SAMD5: variants seen among roughly 807,000 people sequenced by gnomAD.
SAMD5 encodes the protein sterile alpha motif domain containing 5.
In SAMD5, 13 loss-of-function variants were observed where a neutral mutation model predicts 11.3. The ratio of observed to expected loss-of-function variants is 1.15; its 90% CI spans 0.75 to 1.83. The LOEUF is 1.83. Ranked by LOEUF, SAMD5 falls within the 40% of genes most tolerant of loss-of-function variation. The probability of loss-of-function intolerance (pLI) is 0.00; values close to 1 mark genes in which losing one functional copy is unlikely to be tolerated. For synonymous variants in SAMD5, 129 were observed against 111.3 expected (o/e 1.16, Z -1.00); for missense variants, 255 against 239.1 (o/e 1.07, Z -0.44).
chr6:147,871,266 A>G, the SAMD5 span, among the ~76,000 whole-genome samples: 1 of 152,190 alleles, frequency 6.6e-6, no homozygotes, highest in African/African-American at 2.4e-5. Flanking sequence ...TACACAAATA[A>G]ACTAATATTT....
At chr6:147,823,651 C>CA in the SAMD5 span, among the ~76,000 whole-genome samples, 732 of 151,360 alleles carry the variant, frequency 4.8e-3, 14 homozygotes, top group South Asian at 0.039. Context: ...TAAAAAGTAC[C>CA]AAAAAAAAGA....
At chr6:147,868,925 A>G in the SAMD5 span, among the ~76,000 whole-genome samples, 1 of 152,208 alleles carries the variant, frequency 6.6e-6, no homozygotes, top group Non-Finnish European at 1.5e-5. Flanking sequence ...TAAGTACTCT[A>G]GAAGTATTTG....
At chr6:147,781,159 G>GT in the SAMD5 span, among the ~76,000 whole-genome samples, 680 of 137,668 alleles carry the variant, frequency 4.9e-3, 4 homozygotes, top group African/African-American at 9.1e-3. Flanking sequence ...TTTTGGATTT[G>GT]TTTTTTTTTT....
intron 1 of SAMD5, among the ~76,000 whole-genome samples, chr6:147,561,469 C>T (rs1174818249): frequency 3.3e-5 from 5 of 152,134 alleles, no homozygotes; most frequent in African/African-American, 1.2e-4. Context: ...GGATTACAGG[C>T]GTGAGCCACT....
chr6:147,881,070 T>C, the SAMD5 span, among the ~76,000 whole-genome samples: 2 of 152,128 alleles, frequency 1.3e-5, no homozygotes, highest in Non-Finnish European at 2.9e-5. Context: ...CCATAACAAA[T>C]AGGAAGACAA....
intron 1 of SAMD5, among the ~76,000 whole-genome samples, chr6:147,696,158 C>G (rs1156370410): frequency 1.3e-5 from 2 of 151,968 alleles, no homozygotes; most frequent in Admixed American, 6.6e-5. Flanking sequence ...TTGTCTCAAC[C>G]CCCTCCCCCA....
chr6:147,909,618 T>TTCTCTCTCTCTCTCTCTC, the SAMD5 span, among the ~76,000 whole-genome samples: 17 of 76,430 alleles, frequency 2.2e-4, no homozygotes, highest in East Asian at 2.0e-3. Context: ...CTTTCTTTCT[T>TTCTCTCTCTCTCTCTCTC]TCTTTCTTTC....
chr6:147,615,731 G>A (rs6925595), intron 1 of SAMD5, among the ~76,000 whole-genome samples: 14,005 of 152,064 alleles, frequency 0.092, 2,148 homozygotes, highest in African/African-American at 0.32. Context: ...AATGTGGGTC[G>A]GTATAAACAT....
At chr6:147,714,400 A>G (rs1791439239) in intron 1 of SAMD5, among the ~76,000 whole-genome samples, 1 of 152,158 alleles carries the variant, frequency 6.6e-6, no homozygotes, top group Admixed American at 6.5e-5. Context: ...GGGCTGGAGA[A>G]GCACGTCCTG....
intron 1 of SAMD5, among the ~76,000 whole-genome samples, chr6:147,665,170 T>C (rs947767289): frequency 3.1e-4 from 47 of 152,250 alleles, no homozygotes; most frequent in Non-Finnish European, 5.7e-4. Flanking sequence ...CAACTGATTC[T>C]ACAAACATAG....
chr6:147,917,839 G>C, the SAMD5 span, among the ~76,000 whole-genome samples: 15 of 152,206 alleles, frequency 9.9e-5, no homozygotes, highest in South Asian at 6.2e-4. Flanking sequence ...TCTTGTTTTT[G>C]TCGGGTTTGT....
chr6:147,677,106 T>A (rs535591956), intron 1 of SAMD5, among the ~76,000 whole-genome samples: 1 of 152,222 alleles, frequency 6.6e-6, no homozygotes, highest in East Asian at 1.9e-4. Flanking sequence ...AGCCTGCTGA[T>A]GTTTAGGAGT....
rs953536438 is a variant in SAMD5, at chr6:147,567,294, C to T, written c.*2838C>T. 25 of 985,234 alleles carry T rather than the reference C, an allele frequency of 2.5e-5. No individual in the cohort carries two copies. Among genetic ancestry groups the T allele is most frequent in the Middle Eastern group, 1.0e-3 (2 of 1,914 alleles). 61.0% of individuals were successfully genotyped at this position (985,234 alleles called of 1,614,324 possible). A position where few individuals can be genotyped will look rare whatever the true frequency, so the allele number is the denominator to read the frequency against. On this transcript the variant is annotated 3_prime_UTR_variant, in exon 2 of 2. Coordinates refer to ENST00000367474, the MANE Select transcript of SAMD5 (RefSeq NM_001030060.3). Reference sequence around the variant, plus strand: ...TAGTAGTTTCTCAACTGGGAGCATACGAGCAATTTCTCAGTTCAGAGATAT... The same window carrying T: ...TAGTAGTTTCTCAACTGGGAGCATATGAGCAATTTCTCAGTTCAGAGATAT...
the SAMD5 span, among the ~76,000 whole-genome samples, chr6:147,823,151 C>T: frequency 6.6e-6 from 1 of 152,090 alleles, no homozygotes; most frequent in Admixed American, 6.5e-5. Context: ...TGCATATTTC[C>T]TTGTGTGCTT....
chr6:147,854,830 G>A, the SAMD5 span, among the ~76,000 whole-genome samples: 1 of 152,070 alleles, frequency 6.6e-6, no homozygotes, highest in Non-Finnish European at 1.5e-5. Context: ...TTACTCAACA[G>A]ATTTGAATAA....
At chr6:147,631,599 C>T (rs538050612) in intron 1 of SAMD5, among the ~76,000 whole-genome samples, 6 of 152,096 alleles carry the variant, frequency 3.9e-5, no homozygotes, top group Non-Finnish European at 5.9e-5. Flanking sequence ...AAGGCCAAAC[C>T]GAGGAATTAT....
chr6:147,753,281 G>A, the SAMD5 span, among the ~76,000 whole-genome samples: 6 of 152,118 alleles, frequency 3.9e-5, no homozygotes, highest in Admixed American at 3.9e-4. Context: ...TTTATACAGT[G>A]CTTATCATGT....
chr6:147,672,922 T>C (rs968945433), intron 1 of SAMD5, among the ~76,000 whole-genome samples: 1 of 152,210 alleles, frequency 6.6e-6, no homozygotes, highest in African/African-American at 2.4e-5. Flanking sequence ...TTAACATAGT[T>C]TACTGTTAGA....
the SAMD5 span, among the ~76,000 whole-genome samples, chr6:147,816,114 A>G: frequency 6.6e-6 from 1 of 150,920 alleles, no homozygotes; most frequent in African/African-American, 2.4e-5. Flanking sequence ...CCCCTTTTCT[A>G]CTAAAAATAC....
Sources: allele counts gnomAD v4.1 joint callset (sites outside exome capture counted in the v4.1 genomes callset), GRCh38; gene constraint gnomAD v4.1.1; transcripts MANE v1.5; gene names NCBI Gene and HGNC (gene_info 2026-07-23, HGNC 2026-07-21).